Variants in ZC3H12C observed in about 807,000 individuals in gnomAD.
ZC3H12C encodes zinc finger CCCH-type containing 12C.
Under a neutral mutation model 76.3 loss-of-function variants are expected in ZC3H12C, and 20 were observed. The ratio of observed to expected loss-of-function variants is 0.26; its 90% confidence interval spans 0.18 to 0.38. The LOEUF is 0.38. ZC3H12C is among the 10% of genes least tolerant of loss of function. The pLI is 1.00. For synonymous variants in ZC3H12C, 352 were observed against 399.6 expected (o/e 0.88, Z 1.42); for missense variants, 874 against 1,086.5 (o/e 0.80, Z 2.75).
At chr11:110,128,606 T>C (rs954251788) in intron 1 of ZC3H12C, among the ~76,000 whole-genome samples, 10 of 152,174 alleles carry the variant, frequency 6.6e-5, no homozygotes, top group African/African-American at 2.4e-4. Context: ...CCAAGTAGTT[T>C]CCTTGATATA....
Position 110,109,831 on chromosome 11 carries a change from G to A in ZC3H12C, c.21+16399G>A, listed in dbSNP as rs117553430. Among the ~76,000 whole-genome samples, 1,239 of 152,242 alleles carry A rather than the reference G, an allele frequency of 8.1e-3. 10 individuals are homozygous for A. Among genetic ancestry groups the A allele is most frequent in the Middle Eastern group, 0.02 (6 of 294 alleles). ...CTTTTTACTACAGTTATTTGGAAGAGCATTTTAATTTGCAGATAGTGGGAT... is the reference window on the plus strand; with the variant it reads ...CTTTTTACTACAGTTATTTGGAAGAACATTTTAATTTGCAGATAGTGGGAT... On this transcript the variant is annotated intron_variant, in intron 1 of 5. Transcript: ENST00000278590.
At position 110,171,635 on chromosome 11, in the gene ZC3H12C, TTTTC is replaced by T. The variant is rs1862682360; in HGVS notation, c.*5902_*5905del. On this transcript the variant is annotated 3_prime_UTR_variant, in exon 6 of 6. Coordinates refer to ENST00000278590, the MANE Select transcript of ZC3H12C (RefSeq NM_033390.2). ...ATTCGTTTTTCTTATGCTGGTTTGT[TTTTC>T]TTTAATGAAGAAATTGATCTCATAT... The T allele has an allele frequency of 6.6e-6, 1 of 152,216 alleles. No individual in the cohort carries two copies. Among genetic ancestry groups the T allele is most frequent in the Non-Finnish European group, 1.5e-5 (1 of 68,036 alleles). The allele number at this position is 152,216 out of a possible 1,614,324, so 9.4% of individuals were successfully genotyped here. A position where few individuals can be genotyped will look rare whatever the true frequency, so the allele number is the denominator to read the frequency against.
chr11:110,162,313 G>A (rs1464079764), intron 4 of ZC3H12C, among the ~76,000 whole-genome samples: 1 of 152,198 alleles, frequency 6.6e-6, no homozygotes, highest in East Asian at 1.9e-4. Flanking sequence ...TATTAAGATT[G>A]TGGGATTGAG....
At position 110,131,215 on chromosome 11, in the gene ZC3H12C, T is replaced by C; in HGVS notation, c.22-5448T>C. 8.2e-6 allele frequency: 7 copies of C among 853,152 alleles called. No individual in the cohort carries two copies. In the South Asian group the frequency reaches 8.9e-5, roughly 11 times the overall value. 52.8% of individuals were successfully genotyped at this position (853,152 alleles called of 1,614,324 possible). On this transcript the variant is annotated intron_variant, in intron 1 of 5. Coordinates refer to ENST00000278590, the MANE Select transcript of ZC3H12C (RefSeq NM_033390.2). Reference sequence around the variant, plus strand: ...TCACCTCCAATGAAAGTCTACAAATTATTACATAGTGCCAACATACCAGAA... The same window carrying C: ...TCACCTCCAATGAAAGTCTACAAATCATTACATAGTGCCAACATACCAGAA...
chr11:110,115,351 A>G (rs1861506192), intron 1 of ZC3H12C, among the ~76,000 whole-genome samples: 1 of 151,772 alleles, frequency 6.6e-6, no homozygotes, highest in Non-Finnish European at 1.5e-5. Context: ...CACCCAGGCT[A>G]GAGTGCAGTG....
chr11:110,105,831 G>A (rs902484047), intron 1 of ZC3H12C, among the ~76,000 whole-genome samples: 1 of 152,088 alleles, frequency 6.6e-6, no homozygotes, highest in Admixed American at 6.5e-5. Flanking sequence ...TTTAAGTGCT[G>A]TAATTTAATT....
At chr11:110,099,944 C>G (rs1423160847) in intron 1 of ZC3H12C, among the ~76,000 whole-genome samples, 3 of 151,914 alleles carry the variant, frequency 2.0e-5, no homozygotes, top group Non-Finnish European at 4.4e-5. Flanking sequence ...ATAGTTAACT[C>G]TTCTTCATTT....
intron 1 of ZC3H12C, among the ~76,000 whole-genome samples, chr11:110,132,212 T>G (rs1861879883): frequency 6.6e-6 from 1 of 152,040 alleles, no homozygotes; most frequent in East Asian, 1.9e-4. Context: ...AATATGAGGC[T>G]CTTTAGAATA....
chr11:110,148,029 G>A (rs1862202004), intron 2 of ZC3H12C, among the ~76,000 whole-genome samples: 1 of 152,184 alleles, frequency 6.6e-6, no homozygotes, highest in African/African-American at 2.4e-5. Flanking sequence ...GGCAAAGAAG[G>A]GCAACAAGAA....
chr11:110,116,285 G>T (rs944657047), intron 1 of ZC3H12C, among the ~76,000 whole-genome samples: 4 of 150,774 alleles, frequency 2.7e-5, no homozygotes, highest in African/African-American at 9.8e-5. Context: ...GTTAATCCCA[G>T]CACTTTAATC....
chr11:110,100,171 T>A (rs1191656655), intron 1 of ZC3H12C, among the ~76,000 whole-genome samples: 1 of 151,878 alleles, frequency 6.6e-6, no homozygotes, highest in East Asian at 1.9e-4. Flanking sequence ...ATATAGTAAA[T>A]ACTTAATGAA....
At chr11:110,157,194 CAG>C (rs1374281929) in intron 3 of ZC3H12C, among the ~76,000 whole-genome samples, 2 of 143,234 alleles carry the variant, frequency 1.4e-5, no homozygotes, top group African/African-American at 5.2e-5. Flanking sequence ...AAAAAAAAAA[CAG>C]AGAGATCAGC....
intron 1 of ZC3H12C, among the ~76,000 whole-genome samples, chr11:110,123,024 G>A (rs1465578694): frequency 6.6e-6 from 1 of 152,118 alleles, no homozygotes; most frequent in Non-Finnish European, 1.5e-5. Context: ...TGCTCAGAAC[G>A]GCACACAATT....
chr11:110,117,711 TA>T, intron 1 of ZC3H12C, among the ~76,000 whole-genome samples: 1 of 13,982 alleles, frequency 7.2e-5, no homozygotes, highest in South Asian at 1.1e-3. Context: ...ATATTATATA[TA>T]TACACACACA....
At chr11:110,136,567 A>G in intron 1 of ZC3H12C, 96 bp from the exon 2 acceptor site, 1 of 1,358,998 alleles carries the variant, frequency 7.4e-7, no homozygotes, top group Non-Finnish European at 1.0e-6. Flanking sequence ...AATACAAAGT[A>G]TTTTGAGTAG....
intron 2 of ZC3H12C, among the ~76,000 whole-genome samples, chr11:110,146,921 A>C (rs991756555): frequency 6.6e-6 from 1 of 152,196 alleles, no homozygotes; most frequent in African/African-American, 2.4e-5. Context: ...ATCCTTGTTA[A>C]TTTAGAAAAT....
At chr11:110,099,924 A>C (rs1253461192) in intron 1 of ZC3H12C, among the ~76,000 whole-genome samples, 1 of 151,812 alleles carries the variant, frequency 6.6e-6, no homozygotes, top group Non-Finnish European at 1.5e-5. Context: ...TAACACTTGC[A>C]TATTAGATGA....
intron 1 of ZC3H12C, among the ~76,000 whole-genome samples, chr11:110,102,859 A>T (rs1339155890): frequency 1.3e-5 from 2 of 152,236 alleles, no homozygotes; most frequent in African/African-American, 2.4e-5. Flanking sequence ...CAGCAAAAGG[A>T]ATATGACTCA....
intron 1 of ZC3H12C, among the ~76,000 whole-genome samples, chr11:110,121,845 T>C (rs916577552): frequency 6.6e-6 from 1 of 152,240 alleles, no homozygotes; most frequent in African/African-American, 2.4e-5. Flanking sequence ...TGCAGCTCGT[T>C]TTGGATTATT....
Sources: gnomAD v4.1 joint callset for allele counts (sites outside exome capture counted in the v4.1 genomes callset) on GRCh38, gnomAD v4.1.1 for gene constraint, MANE v1.5 for transcripts, NCBI Gene and HGNC (gene_info 2026-07-23, HGNC 2026-07-21) for gene names.